GNPDA2: variants seen among roughly 807,000 people sequenced by gnomAD.
GNPDA2 encodes glucosamine-6-phosphate deaminase 2, also known as glcN6P deaminase 2.
GNPDA2 carries 24 observed loss-of-function variants against 27.0 expected under a neutral mutation model. That is an observed-to-expected ratio of 0.89 (90% CI 0.64 to 1.25). GNPDA2 has a LOEUF of 1.25. Among genes scored for constraint, GNPDA2 ranks in the 50% most tolerant of loss-of-function variants. GNPDA2 has a pLI of 0.00. For synonymous variants in GNPDA2, 94 were observed against 108.4 expected, an observed-to-expected ratio of 0.87 and a Z score of 0.83; for missense variants, 286 against 335.1, an observed-to-expected ratio of 0.85 and a Z score of 1.14.
intron 6 of GNPDA2, chr4:44,704,667 C>G (rs1308021300): frequency 2.2e-6 from 2 of 912,614 alleles, no homozygotes; most frequent in Non-Finnish European, 2.6e-6. Context: ...TAAATAATTG[C>G]TACTTAAGTC....
At chr4:44,723,046 G>C (rs1325991767) in intron 1 of GNPDA2, among the ~76,000 whole-genome samples, 2 of 152,008 alleles carry the variant, frequency 1.3e-5, no homozygotes, top group Admixed American at 1.3e-4. Context: ...GAAATTTCTT[G>C]ACAAAAAGCA....
At chr4:44,703,646 C>G (rs1179065281) in intron 6 of GNPDA2, 1 of 983,942 alleles carries the variant, frequency 1.0e-6, no homozygotes, top group African/African-American at 1.7e-5. Context: ...AAATTCTACA[C>G]TGAGGGAGGG....
rs372262215 is a variant in GNPDA2, at chr4:44,718,355, G to A, written c.180C>T (p.His60=). 8 of 1,379,740 alleles carry A rather than the reference G, an allele frequency of 5.8e-6. No individual in the cohort carries two copies. Among genetic ancestry groups the A allele is most frequent in the South Asian group, 1.3e-5 (1 of 74,790 alleles). 85.5% of individuals were successfully genotyped at this position (1,379,740 alleles called of 1,614,324 possible). The change falls in exon 3 of 7, where the codon CAC becomes CAT. Residue 60 remains histidine (H), a synonymous_variant. Transcript: ENST00000295448. The stretch of plus-strand genomic sequence containing the variant: ...AGGTCTTCACATATTTAAAAGAAAG[G>A]TGTCCATTCTTATGATATTCTATTA... ...KKLIEYHKNG[H]LSFKYVKTFN... is the part of the protein sequence containing the mutation.
intron 4 of GNPDA2, 92 bp from the exon 5 acceptor site, chr4:44,711,229 GTTTTA>G (rs1322994752): frequency 2.5e-5 from 17 of 685,384 alleles, no homozygotes; most frequent in Non-Finnish European, 3.7e-5. Context: ...AAATCACCTT[GTTTTA>G]TTTTATACTT....
chr4:44,710,900 ATAT>A (rs1260143070), intron 5 of GNPDA2, 50 bp downstream of exon 5: 10 of 1,336,300 alleles, frequency 7.5e-6, no homozygotes, highest in Admixed American at 7.3e-5. Flanking sequence ...CTCCTCCAAA[ATAT>A]TAATATATTA....
At chr4:44,711,194 C>A in intron 4 of GNPDA2, 57 bp from the exon 5 acceptor site, 1 of 1,114,704 alleles carries the variant, frequency 9.0e-7, no homozygotes, top group South Asian at 2.6e-5. Context: ...TCACAAAGTT[C>A]AATGTGCGTT....
intron 4 of GNPDA2, among the ~76,000 whole-genome samples, chr4:44,712,087 G>A (rs1429755445): frequency 6.6e-6 from 1 of 151,952 alleles, no homozygotes; most frequent in African/African-American, 2.4e-5. Context: ...ACAGGAATAT[G>A]ACATTCTTAT....
At chr4:44,720,377 A>G (rs1474760426) in intron 2 of GNPDA2, among the ~76,000 whole-genome samples, 1 of 152,148 alleles carries the variant, frequency 6.6e-6, no homozygotes, top group East Asian at 1.9e-4. Flanking sequence ...TCCATTAAAT[A>G]ACATGCTAGG....
intron 2 of GNPDA2, among the ~76,000 whole-genome samples, chr4:44,720,615 A>T (rs1717603392): frequency 6.6e-6 from 1 of 152,160 alleles, no homozygotes; most frequent in African/African-American, 2.4e-5. Flanking sequence ...TGCGCTTGAT[A>T]GGGAGATAAT....
chr4:44,722,886 T>C (rs1717768611), intron 1 of GNPDA2, among the ~76,000 whole-genome samples: 1 of 152,144 alleles, frequency 6.6e-6, no homozygotes, highest in African/African-American at 2.4e-5. Flanking sequence ...ACTCACATAA[T>C]TTGACTAAGG....
Position 44,704,764 on chromosome 4 carries a change from A to G in GNPDA2, c.770-1622T>C, listed in dbSNP as rs1716483893. On this transcript the variant is annotated intron_variant, in intron 6 of 6. Transcript: ENST00000295448. ...GGTTAAATGTCACAGATTCTAACCA[A>G]TGTCTATACAAAGTAACTTTTATGG... The G allele has an allele frequency of 8.1e-6, 8 of 984,576 alleles. No individual in the cohort carries two copies. The South Asian group carries it at 3.8e-4, about 46-fold the overall frequency. 61.0% of individuals were successfully genotyped at this position (984,576 alleles called of 1,614,324 possible).
chr4:44,701,832 C>A lies in GNPDA2; in HGVS notation c.*1249G>T, dbSNP rs761876718. The A allele has an allele frequency of 2.8e-5, 28 of 984,318 alleles. No homozygotes were observed. Among genetic ancestry groups the A allele is most frequent in the Non-Finnish European group, 3.4e-5 (28 of 829,070 alleles). The allele number at this position is 984,318 out of a possible 1,614,324, so 61.0% of individuals were successfully genotyped here. A position where few individuals can be genotyped will look rare whatever the true frequency, so the allele number is the denominator to read the frequency against. ...TGGAATTAAAGCAGCATAATTTACCCCATCCCCCACTTTTAACCATAAAAC... is the reference window on the plus strand; with the variant it reads ...TGGAATTAAAGCAGCATAATTTACCACATCCCCCACTTTTAACCATAAAAC... On this transcript the variant is annotated 3_prime_UTR_variant, in exon 7 of 7. Coordinates refer to ENST00000295448, the MANE Select transcript of GNPDA2 (RefSeq NM_138335.3).
intron 1 of GNPDA2, among the ~76,000 whole-genome samples, chr4:44,724,782 C>A (rs1177963672): frequency 6.6e-6 from 1 of 152,152 alleles, no homozygotes; most frequent in Non-Finnish European, 1.5e-5. Context: ...AACAAAAAAT[C>A]ATGGTCACCA....
Position 44,702,631 on chromosome 4 carries a change from T to C in GNPDA2, c.*450A>G. 1 of 1,006,302 alleles carries C rather than the reference T, an allele frequency of 9.9e-7. No homozygotes were observed. 62.3% of individuals were successfully genotyped at this position (1,006,302 alleles called of 1,614,324 possible). ...AGGCAACCACGTGCAGAAAAGCATGTGTGTGATGCACAGAAAATATAAAGA... is the reference window on the plus strand; with the variant it reads ...AGGCAACCACGTGCAGAAAAGCATGCGTGTGATGCACAGAAAATATAAAGA... On this transcript the variant is annotated 3_prime_UTR_variant, in exon 7 of 7. Transcript: ENST00000295448.
At chr4:44,707,354 T>A (rs915801623) in intron 6 of GNPDA2, 2 of 222,482 alleles carry the variant, frequency 9.0e-6, no homozygotes, top group East Asian at 9.1e-5. Flanking sequence ...ATCCACTGAT[T>A]AGGTTCTAAA....
At chr4:44,718,597 G>A (rs976876264) in intron 2 of GNPDA2, among the ~76,000 whole-genome samples, 187 bp from the exon 3 acceptor site, 2 of 151,540 alleles carry the variant, frequency 1.3e-5, no homozygotes, top group African/African-American at 4.8e-5. Context: ...AGAATTTGCT[G>A]AATAAAGCTG....
At chr4:44,703,181 A>G in intron 6 of GNPDA2, 39 bp from the exon 7 acceptor site, 1 of 1,587,380 alleles carries the variant, frequency 6.3e-7, no homozygotes, top group Non-Finnish European at 8.5e-7. Flanking sequence ...GTTTTTATTA[A>G]TTTTGAACTA....
At chr4:44,705,011 G>C in intron 6 of GNPDA2, 1 of 969,072 alleles carries the variant, frequency 1.0e-6, no homozygotes. Flanking sequence ...GGTATATACC[G>C]TTATATAGGT....
chr4:44,723,217 C>G (rs747292443), intron 1 of GNPDA2, among the ~76,000 whole-genome samples: 17 of 152,076 alleles, frequency 1.1e-4, no homozygotes, highest in Non-Finnish European at 1.5e-4. Context: ...TAACTCACAG[C>G]TTCTGTTATC....
Sources: gnomAD v4.1 joint callset for allele counts (sites outside exome capture counted in the v4.1 genomes callset) on GRCh38, gnomAD v4.1.1 for gene constraint, MANE v1.5 for transcripts, NCBI Gene and HGNC (gene_info 2026-07-23, HGNC 2026-07-21) for gene names.